The following SOX6 variants were observed in gnomAD, a reference collection of about 807,000 sequenced individuals.
The protein encoded by SOX6 is transcription factor SOX-6.
Under a neutral mutation model 97.8 loss-of-function variants are expected in SOX6, and 11 were observed. The observed-to-expected ratio is 0.11, with a 90% CI of 0.07 to 0.19. The LOEUF is 0.19. SOX6 is among the 10% of genes least tolerant of loss of function. The pLI, the probability that SOX6 is intolerant of heterozygous loss-of-function variation, is 1.00. For missense variants in SOX6, 810 were observed against 1,039.5 expected (o/e 0.78, Z 3.04); for synonymous variants, 360 against 371.4 (o/e 0.97, Z 0.35).
chr11:16,641,010 C>G (rs1342969905), intron 3 of SOX6, among the ~76,000 whole-genome samples: 1 of 151,930 alleles, frequency 6.6e-6, no homozygotes, highest in Non-Finnish European at 1.5e-5. Context: ...TTAGGTTGTC[C>G]ATTTTAGATC....
chr11:16,157,080 C>G (rs4620684), intron 6 of SOX6, among the ~76,000 whole-genome samples: 74,409 of 151,750 alleles, frequency 0.49, 18,558 homozygotes, highest in Middle Eastern at 0.66. Flanking sequence ...TGTCAACTGT[C>G]AACCAATGCA....
intron 2 of SOX6, among the ~76,000 whole-genome samples, chr11:16,320,503 A>G (rs1298417639): frequency 6.6e-6 from 1 of 152,156 alleles, no homozygotes; most frequent in African/African-American, 2.4e-5. Context: ...TATTGAAAGC[A>G]CATAATGAGA....
chr11:16,324,224 C>A (rs908267002), intron 2 of SOX6, among the ~76,000 whole-genome samples: 2 of 151,916 alleles, frequency 1.3e-5, no homozygotes, highest in East Asian at 3.9e-4. Flanking sequence ...ATCAAACAGG[C>A]AAAGAGCAAA....
intron 1 of SOX6, among the ~76,000 whole-genome samples, chr11:16,394,437 CA>C (rs1303049640): frequency 7.3e-5 from 11 of 151,346 alleles, no homozygotes; most frequent in East Asian, 1.9e-4. Context: ...TCATCACCAA[CA>C]AAAAAAAGTT....
At position 16,069,769 on chromosome 11, in the gene SOX6, A is replaced by T. The variant is rs572268788; in HGVS notation, c.1102-13868T>A. The stretch of plus-strand genomic sequence containing the variant: ...TGCCTTTTCACAACAACCAAAAGAA[A>T]AATGGAACAAGCATTGACTGTAACC... On this transcript the variant is annotated intron_variant, in intron 9 of 15. Coordinates refer to ENST00000683767, the MANE Select transcript of SOX6 (RefSeq NM_001367873.1). 5.0e-4 allele frequency among the ~76,000 whole-genome samples: 76 copies of T among 152,350 alleles called. No homozygotes were observed. In the South Asian group the frequency reaches 7.5e-3, roughly 15 times the overall value.
chr11:16,471,630 G>A (rs183773304), intron 1 of SOX6, among the ~76,000 whole-genome samples: 65 of 152,220 alleles, frequency 4.3e-4, no homozygotes, highest in African/African-American at 1.4e-3. Flanking sequence ...TATTTCTATC[G>A]TTTTAGAAGC....
intron 1 of SOX6, among the ~76,000 whole-genome samples, chr11:16,461,395 G>A (rs1377532998): frequency 1.3e-5 from 2 of 151,950 alleles, no homozygotes; most frequent in Non-Finnish European, 2.9e-5. Context: ...GCATGCTCCT[G>A]GACTATTTGG....
chr11:16,518,671 T>G (rs761062435), intron 4 of SOX6, among the ~76,000 whole-genome samples: 11 of 152,188 alleles, frequency 7.2e-5, no homozygotes, highest in Non-Finnish European at 1.3e-4. Context: ...AAGAAATTAA[T>G]ATGAACACAT....
chr11:16,296,021 C>T (rs150761756), intron 3 of SOX6, among the ~76,000 whole-genome samples: 63 of 152,200 alleles, frequency 4.1e-4, no homozygotes, highest in African/African-American at 1.5e-3. Context: ...AGATGAAGGT[C>T]CTTTAGGCCC....
chr11:16,492,457 G>C (rs1044349198), intron 4 of SOX6, among the ~76,000 whole-genome samples: 4 of 152,146 alleles, frequency 2.6e-5, no homozygotes, highest in Admixed American at 2.6e-4. Context: ...TTGGGAGATG[G>C]GGGAGTAAAC....
At chr11:16,135,630 A>G (rs898400559) in intron 6 of SOX6, among the ~76,000 whole-genome samples, 1 of 152,210 alleles carries the variant, frequency 6.6e-6, no homozygotes, top group East Asian at 1.9e-4. Flanking sequence ...TTTCAGTCTT[A>G]TAATAAAACC....
intron 4 of SOX6, among the ~76,000 whole-genome samples, chr11:16,482,040 T>C (rs1326034741): frequency 6.6e-6 from 1 of 152,350 alleles, no homozygotes; most frequent in East Asian, 1.9e-4. Context: ...TAGATTATCA[T>C]AGGTGCTACT....
At chr11:16,718,634 C>T (rs1317093317) in intron 2 of SOX6, among the ~76,000 whole-genome samples, 1 of 151,972 alleles carries the variant, frequency 6.6e-6, no homozygotes, top group Non-Finnish European at 1.5e-5. Context: ...CACTGTATTC[C>T]AAGGTCTTAA....
At chr11:16,493,963 T>C (rs554105971) in intron 4 of SOX6, among the ~76,000 whole-genome samples, 2 of 152,336 alleles carry the variant, frequency 1.3e-5, no homozygotes, top group South Asian at 4.2e-4. Context: ...TATACAAGAA[T>C]ATTCGCTGCA....
chr11:16,614,141 C>T (rs1374351058), intron 3 of SOX6, among the ~76,000 whole-genome samples: 1 of 152,200 alleles, frequency 6.6e-6, no homozygotes, highest in East Asian at 1.9e-4. Flanking sequence ...TCCGAAACTC[C>T]AAACACTAAC....
At chr11:16,470,318 T>C (rs893964298) in intron 1 of SOX6, among the ~76,000 whole-genome samples, 33 of 152,292 alleles carry the variant, frequency 2.2e-4, no homozygotes, top group African/African-American at 7.9e-4. Context: ...CACTTAGACC[T>C]ACTTGTCCTT....
chr11:16,715,695 T>C (rs940408991), intron 2 of SOX6, among the ~76,000 whole-genome samples: 2 of 152,044 alleles, frequency 1.3e-5, no homozygotes, highest in Non-Finnish European at 2.9e-5. Context: ...TCAAAAACAC[T>C]GTAACAGCTA....
chr11:16,239,678 C>T (rs10832571), intron 3 of SOX6, among the ~76,000 whole-genome samples: 25,296 of 152,032 alleles, frequency 0.17, 2,602 homozygotes, highest in Admixed American at 0.29. Flanking sequence ...CTTTCCCATA[C>T]AGCAGGGCAA....
intron 9 of SOX6, among the ~76,000 whole-genome samples, chr11:16,092,255 G>T (rs1039248680): frequency 6.6e-6 from 1 of 151,798 alleles, no homozygotes; most frequent in Non-Finnish European, 1.5e-5. Context: ...AAGTGTTTTG[G>T]GGGGGACAGG....
Sources: allele counts gnomAD v4.1 joint callset (sites outside exome capture counted in the v4.1 genomes callset), GRCh38; gene constraint gnomAD v4.1.1; transcripts MANE v1.5; gene names NCBI Gene and HGNC (gene_info 2026-07-23, HGNC 2026-07-21).